Variants in MYO5A observed in about 807,000 individuals in gnomAD.
The protein encoded by MYO5A is unconventional myosin-Va.
MYO5A carries 98 observed loss-of-function variants against 249.7 expected under a neutral mutation model. The ratio of observed to expected loss-of-function variants is 0.39; its 90% confidence interval spans 0.33 to 0.46. The LOEUF is 0.46. Among genes scored for constraint, MYO5A ranks in the 20% least tolerant of loss-of-function variants. MYO5A has a pLI of 0.98. For synonymous variants in MYO5A, 778 were observed against 810.6 expected (o/e 0.96, Z 0.68); for missense variants, 1,696 against 2,308.8 (o/e 0.73, Z 5.44).
Position 52,346,447 on chromosome 15 carries a change from A to G in MYO5A, c.3873T>C (p.Asp1291=), listed in dbSNP as rs1245971687. The change falls in exon 30 of 42, where the codon GAT becomes GAC. Residue 1291 remains aspartate (D), a synonymous_variant. Coordinates refer to ENST00000399233, the MANE Select transcript of MYO5A (RefSeq NM_001382347.1). ...QPKDDKNTMT[D]STILLEDVQK... is the part of the protein sequence containing the mutation. ...GTACATCTTCCAAAAGTATTGTGGAATCTGTCATTGTATTCTGAGAGGGAA... is the reference window on the plus strand; with the variant it reads ...GTACATCTTCCAAAAGTATTGTGGAGTCTGTCATTGTATTCTGAGAGGGAA... 2 of 1,593,984 alleles carry G rather than the reference A, an allele frequency of 1.3e-6. No homozygotes were observed. The highest frequency in any genetic ancestry group is 3.3e-5 in the Admixed American group (2 of 59,866).
chr15:52,410,649 C>A (rs1392393517), intron 5 of MYO5A, among the ~76,000 whole-genome samples, 173 bp from the exon 6 acceptor site: 2 of 148,238 alleles, frequency 1.3e-5, no homozygotes. Context: ...TGCAGTGGCA[C>A]AATCTCGGCT....
At chr15:52,505,690 G>A (rs775800988) in intron 1 of MYO5A, 373 of 1,264,948 alleles carry the variant, frequency 2.9e-4, no homozygotes, top group Non-Finnish European at 3.9e-4. Flanking sequence ...TCAAGCAGAC[G>A]TCTTAGTCTG....
intron 22 of MYO5A, among the ~76,000 whole-genome samples, chr15:52,368,414 C>G (rs2040923171): frequency 6.6e-6 from 1 of 152,138 alleles, no homozygotes. Flanking sequence ...AGCCCACACT[C>G]CCAGAGTCTG....
At chr15:52,429,606 T>C (rs2075477978) in intron 2 of MYO5A, among the ~76,000 whole-genome samples, 1 of 152,238 alleles carries the variant, frequency 6.6e-6, no homozygotes, top group Non-Finnish European at 1.5e-5. Context: ...GGAGAATCAC[T>C]TGAACCCTGG....
rs890539584 is a variant in MYO5A, at chr15:52,310,861, T to C, written c.*2835A>G. 10 of 152,188 alleles carry C rather than the reference T, an allele frequency of 6.6e-5. No individual in the cohort carries two copies. Among genetic ancestry groups the C allele is most frequent in the African/African-American group, 2.4e-4 (10 of 41,434 alleles). The allele number at this position is 152,188 out of a possible 1,614,324, so 9.4% of individuals were successfully genotyped here. On this transcript the variant is annotated 3_prime_UTR_variant, in exon 42 of 42. Transcript: ENST00000399233. ...TTCTTGTACCTTCAAGAAAATGGTA[T>C]ACAGAATCATTTACTGGGCCTTGGG...
At chr15:52,345,738 T>C (rs1157312082) in intron 30 of MYO5A, among the ~76,000 whole-genome samples, 1 of 152,218 alleles carries the variant, frequency 6.6e-6, no homozygotes, top group Non-Finnish European at 1.5e-5. Flanking sequence ...CACCTTTCTT[T>C]TTGTATGGCA....
chr15:52,412,152 A>G (rs1482741969), intron 5 of MYO5A, among the ~76,000 whole-genome samples: 1 of 151,074 alleles, frequency 6.6e-6, no homozygotes, highest in Non-Finnish European at 1.5e-5. Context: ...TACTCAATAA[A>G]CACTCAATAA....
intron 25 of MYO5A, among the ~76,000 whole-genome samples, chr15:52,357,935 C>G (rs2040328044): frequency 6.6e-6 from 1 of 152,188 alleles, no homozygotes; most frequent in South Asian, 2.1e-4. Context: ...AAATTACCAC[C>G]ACTACAGGCC....
chr15:52,363,515 C>T lies in MYO5A; in HGVS notation c.3309+1039G>A, dbSNP rs118185824. On this transcript the variant is annotated intron_variant, in intron 24 of 41. Coordinates refer to ENST00000399233, the MANE Select transcript of MYO5A (RefSeq NM_001382347.1). ...CATCTGCAAGGTGATGAGAGCCTAT[C>T]TTTTGTATTACACAATCTCTTTTAT... Among the ~76,000 whole-genome samples the T allele has an allele frequency of 6.8e-3, 1,035 of 152,258 alleles. 7 individuals carry two copies. The highest frequency in any genetic ancestry group is 0.01 in the Non-Finnish European group (706 of 68,016).
chr15:52,338,406 T>C (rs543980169), intron 32 of MYO5A, among the ~76,000 whole-genome samples: 138 of 152,106 alleles, frequency 9.1e-4, no homozygotes, highest in African/African-American at 3.2e-3. Flanking sequence ...CTAGATGAGG[T>C]AGAAAAATCA....
chr15:52,415,873 C>T, intron 5 of MYO5A: 1 of 461,082 alleles, frequency 2.2e-6, no homozygotes, highest in Non-Finnish European at 3.9e-6. Context: ...TTAATTGCTG[C>T]CTGGTATTTA....
At chr15:52,408,269 A>G in intron 6 of MYO5A, 129 bp from the exon 7 acceptor site, 1 of 639,954 alleles carries the variant, frequency 1.6e-6, no homozygotes, top group Non-Finnish European at 2.7e-6. Context: ...TATATTTCCT[A>G]ATACTTATTT....
intron 1 of MYO5A, among the ~76,000 whole-genome samples, chr15:52,486,028 G>A (rs967097440): frequency 6.6e-6 from 1 of 152,096 alleles, no homozygotes; most frequent in East Asian, 1.9e-4. Flanking sequence ...CATAGTAAAC[G>A]TTTTCATTTT....
At chr15:52,355,786 T>A (rs531874936) in intron 25 of MYO5A, among the ~76,000 whole-genome samples, 1 of 152,332 alleles carries the variant, frequency 6.6e-6, no homozygotes, top group African/African-American at 2.4e-5. Context: ...TACTGCATTT[T>A]ATATAAGAGA....
In MYO5A at chr15:52,353,793, G is replaced by C. The variant is rs181405774; in HGVS notation, c.3567+78C>G. The C allele has an allele frequency of 1.8e-4, 295 of 1,604,818 alleles. No homozygotes were observed. In the African/African-American group the frequency reaches 3.6e-3, roughly 20 times the overall value. On this transcript the variant is annotated intron_variant, in intron 26 of 41. Transcript: ENST00000399233. ...AAGTGGTGCTTGGATAGGCTGGGCT[G>C]AGTCTCCACTAAGGAAGAGACTGCT...
At chr15:52,406,026 G>A (rs546587075) in intron 8 of MYO5A, among the ~76,000 whole-genome samples, 110 of 152,274 alleles carry the variant, frequency 7.2e-4, no homozygotes, top group Admixed American at 1.6e-3. Flanking sequence ...ATGAGTATGC[G>A]TCCAAATACA....
chr15:52,343,166 C>T lies in MYO5A; in HGVS notation c.3991G>A (p.Glu1331Lys). The stretch of plus-strand genomic sequence containing the variant: ...TAAACCAGCCACAGCTCTCCATCCT[C>T]ATTCAACTCATGGTAATCCAGAGCA... Reference protein sequence around the residue: ...SSALDYHELNEDGELWLVYEG... With the variant: ...SSALDYHELNKDGELWLVYEG... Residue 1331 changes from glutamate to lysine, a missense_variant, in exon 31 of 42, where the codon GAG becomes AAG. Glu to Lys is a moderately conservative substitution (Grantham distance 56). Transcript: ENST00000399233. The T allele has an allele frequency of 1.2e-6, 2 of 1,613,972 alleles. No homozygotes were observed. Among genetic ancestry groups the T allele is most frequent in the South Asian group, 2.2e-5 (2 of 91,086 alleles).
intron 29 of MYO5A, among the ~76,000 whole-genome samples, chr15:52,347,602 T>TA (rs2039705923): frequency 6.6e-6 from 1 of 152,180 alleles, no homozygotes; most frequent in Non-Finnish European, 1.5e-5. Flanking sequence ...ATCAGAGACT[T>TA]ACAAATGCTT....
At chr15:52,366,244 T>A (rs1263020655) in intron 23 of MYO5A, among the ~76,000 whole-genome samples, 1 of 152,206 alleles carries the variant, frequency 6.6e-6, no homozygotes, top group Non-Finnish European at 1.5e-5. Context: ...AAATGTATAC[T>A]TTTTTCTCAA....
Sources: gnomAD v4.1 joint callset for allele counts (sites outside exome capture counted in the v4.1 genomes callset) on GRCh38, gnomAD v4.1.1 for gene constraint, MANE v1.5 for transcripts, NCBI Gene and HGNC (gene_info 2026-07-23, HGNC 2026-07-21) for gene names.